IRAG2: variants seen among roughly 807,000 people sequenced by gnomAD.
IRAG2 encodes the protein inositol 1,4,5-triphosphate receptor associated 2, also known as lymphoid restricted membrane protein.
A neutral mutation model predicts 69.9 loss-of-function variants in IRAG2; 45 were observed. That is an observed-to-expected ratio of 0.64 (90% CI 0.51 to 0.83). The LOEUF is 0.83. Among genes scored for constraint, IRAG2 ranks in the 40% least tolerant of loss-of-function variants. The probability of loss-of-function intolerance (pLI) is 0.00; values close to 1 mark genes in which losing one functional copy is unlikely to be tolerated. For missense variants in IRAG2, 520 were observed against 587.0 expected, an observed-to-expected ratio of 0.89 and a Z score of 1.18; for synonymous variants, 193 against 202.4, an observed-to-expected ratio of 0.95 and a Z score of 0.40.
At chr12:25,024,136 G>T (rs1238866181) in intron 8 of IRAG2, among the ~76,000 whole-genome samples, 1 of 152,168 alleles carries the variant, frequency 6.6e-6, no homozygotes, top group Non-Finnish European at 1.5e-5. Context: ...GAAGAAATGG[G>T]ATTTAAGAAA....
chr12:25,104,265 C>A, intron 19 of IRAG2, 96 bp from the exon 20 acceptor site: 2 of 928,710 alleles, frequency 2.2e-6, no homozygotes, highest in Admixed American at 2.1e-5. Flanking sequence ...ATAATTAGGA[C>A]ATATAATTTT....
intron 6 of IRAG2, among the ~76,000 whole-genome samples, chr12:25,071,941 C>A (rs111358856): frequency 6.6e-6 from 1 of 152,238 alleles, no homozygotes; most frequent in African/African-American, 2.4e-5. Flanking sequence ...CAGTGGCACA[C>A]GCCTGTAATC....
intron 14 of IRAG2, among the ~76,000 whole-genome samples, chr12:25,095,197 G>A (rs774177407): frequency 6.6e-6 from 1 of 152,036 alleles, no homozygotes; most frequent in African/African-American, 2.4e-5. Context: ...GAGTATAATC[G>A]TAGTAGGGTT....
intron 2 of IRAG2, among the ~76,000 whole-genome samples, chr12:25,010,164 GTTC>G (rs142358014): frequency 1.2e-3 from 178 of 152,252 alleles, no homozygotes; most frequent in African/African-American, 3.9e-3. Flanking sequence ...TTGCTTTCCA[GTTC>G]TTCTACAAAT....
intron 16 of IRAG2, among the ~76,000 whole-genome samples, chr12:25,039,156 G>T (rs534107967): frequency 6.6e-6 from 1 of 152,272 alleles, no homozygotes; most frequent in East Asian, 1.9e-4. Flanking sequence ...ATGAGCAAAT[G>T]AACACAGGTA....
At chr12:25,090,579 T>G (rs767938917) in intron 14 of IRAG2, among the ~76,000 whole-genome samples, 4 of 152,104 alleles carry the variant, frequency 2.6e-5, no homozygotes, top group Non-Finnish European at 5.9e-5. Flanking sequence ...AGAAAACATT[T>G]GGTCATATTT....
At chr12:25,101,142 T>G (rs764218912) in intron 15 of IRAG2, 36 bp from the exon 16 acceptor site, 5 of 1,566,630 alleles carry the variant, frequency 3.2e-6, no homozygotes, top group Non-Finnish European at 4.3e-6. Context: ...AGAGTAGTAT[T>G]TTCAATGTAA....
At chr12:25,063,690 A>T (rs79618804) in intron 3 of IRAG2, 30 bp from the exon 4 acceptor site, 22 of 398,624 alleles carry the variant, frequency 5.5e-5, no homozygotes, top group African/African-American at 4.5e-4. Context: ...ATTCCTTTAG[A>T]TGGCTAATAC....
chr12:25,001,248 C>T (rs1944389159), upstream of IRAG2, among the ~76,000 whole-genome samples: 1 of 151,930 alleles, frequency 6.6e-6, no homozygotes, highest in Non-Finnish European at 1.5e-5. Context: ...GCCTGGGAAA[C>T]ATGGTGAAAC....
At chr12:25,029,025 G>A (rs138117811) in intron 9 of IRAG2, among the ~76,000 whole-genome samples, 70 of 152,300 alleles carry the variant, frequency 4.6e-4, no homozygotes, top group African/African-American at 1.5e-3. Flanking sequence ...AAACCTGCAC[G>A]TTGTGCACAT....
intron 15 of IRAG2, chr12:25,097,628 C>G (rs994397343): frequency 1.3e-5 from 2 of 152,124 alleles, no homozygotes; most frequent in Non-Finnish European, 2.9e-5. Flanking sequence ...CCTAAGCAGA[C>G]TTGTTAAAAT....
chr12:25,065,670 C>A (rs191181354), intron 4 of IRAG2, among the ~76,000 whole-genome samples: 1 of 152,092 alleles, frequency 6.6e-6, no homozygotes, highest in African/African-American at 2.4e-5. Flanking sequence ...TGGGTGCAGC[C>A]GTGTTCCAGT....
At chr12:25,013,866 C>CTTTTTTTT (rs71063386) in intron 3 of IRAG2, among the ~76,000 whole-genome samples, 991 of 79,544 alleles carry the variant, frequency 0.012, 97 homozygotes, top group Middle Eastern at 0.041. Flanking sequence ...TTTTCTTTTT[C>CTTTTTTTT]TTTTTTTTTT....
intron 1 of IRAG2, among the ~76,000 whole-genome samples, chr12:25,059,124 G>A (rs1485725379): frequency 6.6e-6 from 1 of 152,116 alleles, no homozygotes; most frequent in African/African-American, 2.4e-5. Flanking sequence ...ATTGGCAATT[G>A]TAAGATAGTA....
intron 15 of IRAG2, chr12:25,100,902 T>C: frequency 4.0e-6 from 1 of 248,184 alleles, no homozygotes; most frequent in South Asian, 1.1e-4. Context: ...TGAGGTGCAG[T>C]GTAGGTTGCT....
At chr12:25,074,985 A>G (rs1008187818) in intron 6 of IRAG2, among the ~76,000 whole-genome samples, 5 of 152,212 alleles carry the variant, frequency 3.3e-5, no homozygotes, top group Admixed American at 2.6e-4. Flanking sequence ...AATAAATAAC[A>G]TTGCCAGTTG....
chr12:25,076,540 A>C (rs1946701161), intron 6 of IRAG2: 1 of 984,702 alleles, frequency 1.0e-6, no homozygotes, highest in Non-Finnish European at 1.2e-6. Context: ...GAAATGATGT[A>C]CTCTCTTTTC....
chr12:25,098,385 A>G (rs1294159345), intron 15 of IRAG2, among the ~76,000 whole-genome samples: 1 of 152,166 alleles, frequency 6.6e-6, no homozygotes, highest in Non-Finnish European at 1.5e-5. Context: ...ACAGGTAATG[A>G]CTGCTTCCAA....
chr12:25,107,453 C>T (rs760046805), intron 21 of IRAG2, among the ~76,000 whole-genome samples: 1 of 152,182 alleles, frequency 6.6e-6, no homozygotes, highest in Non-Finnish European at 1.5e-5. Flanking sequence ...CTACTGTACA[C>T]ACACATAAGT....
Sources: gnomAD v4.1 joint callset for allele counts (sites outside exome capture counted in the v4.1 genomes callset) on GRCh38, gnomAD v4.1.1 for gene constraint, MANE v1.5 for transcripts, NCBI Gene and HGNC (gene_info 2026-07-23, HGNC 2026-07-21) for gene names.